The following OCLN variants were observed in gnomAD, a reference collection of about 807,000 sequenced individuals.
The protein encoded by OCLN is phosphatase 1, regulatory subunit 115.
A neutral mutation model predicts 47.9 loss-of-function variants in OCLN; 21 were observed. The ratio of observed to expected loss-of-function variants is 0.44; its 90% confidence interval spans 0.31 to 0.63. The LOEUF (loss-of-function observed/expected upper bound fraction) is 0.63, where lower values mean the gene tolerates loss of function less well. Among genes scored for constraint, OCLN ranks in the 30% least tolerant of loss-of-function variants. The pLI is 0.08. For missense variants in OCLN, 360 were observed against 571.0 expected, an observed-to-expected ratio of 0.63 and a Z score of 3.77; for synonymous variants, 117 against 198.4, an observed-to-expected ratio of 0.59 and a Z score of 3.45.
intron 1 of OCLN, among the ~76,000 whole-genome samples, chr5:69,496,314 G>A (rs1015853522): frequency 2.0e-5 from 3 of 151,926 alleles, no homozygotes; most frequent in Non-Finnish European, 4.4e-5. Flanking sequence ...TAGCGGGGAT[G>A]GTCTCGATCT....
At chr5:69,519,276 C>G (rs1769065095) in intron 4 of OCLN, among the ~76,000 whole-genome samples, 1 of 152,190 alleles carries the variant, frequency 6.6e-6, no homozygotes, top group African/African-American at 2.4e-5. Flanking sequence ...TTTTTAGCAT[C>G]TTCAGGATTA....
In OCLN at chr5:69,545,062, A is replaced by C; in HGVS notation, c.1196A>C (p.Glu399Ala). ...AAGAGAACAGAGCAAGATCACTATGAGACAGACTACACAACTGGCGGCGAG... is the reference window on the plus strand; with the variant it reads ...AAGAGAACAGAGCAAGATCACTATGCGACAGACTACACAACTGGCGGCGAG... ...RSKRTEQDHY[E>A]TDYTTGGESC... Residue 399 changes from glutamate to alanine, a missense_variant, in exon 6 of 9, where the codon GAG becomes GCG. Transcript: ENST00000396442. 1 of 1,613,868 alleles carries C rather than the reference A, an allele frequency of 6.2e-7. No individual in the cohort carries two copies. The highest frequency in any genetic ancestry group is 1.3e-5 in the African/African-American group (1 of 75,008).
chr5:69,533,302 G>T (rs941672483), intron 4 of OCLN, among the ~76,000 whole-genome samples: 4 of 152,086 alleles, frequency 2.6e-5, no homozygotes, highest in Admixed American at 2.6e-4. Context: ...GAGAACAGCT[G>T]CCTGGGACAT....
At chr5:69,528,324 A>G (rs1769338194) in intron 4 of OCLN, among the ~76,000 whole-genome samples, 1 of 152,156 alleles carries the variant, frequency 6.6e-6, no homozygotes, top group African/African-American at 2.4e-5. Context: ...TGCCTGAGGT[A>G]TATCTCCACT....
intron 5 of OCLN, among the ~76,000 whole-genome samples, chr5:69,539,140 CT>C (rs946231745): frequency 2.1e-4 from 6 of 28,936 alleles, no homozygotes; most frequent in African/African-American, 1.5e-3. Flanking sequence ...ATTTGCAGAA[CT>C]TTTTTTTTCT....
At chr5:69,499,731 C>T (rs1451563730) in intron 1 of OCLN, among the ~76,000 whole-genome samples, 4 of 152,028 alleles carry the variant, frequency 2.6e-5, no homozygotes, top group Admixed American at 2.0e-4. Context: ...GCTACAGGCG[C>T]GCGCCACCAA....
chr5:69,517,869 T>A (rs963901335), intron 4 of OCLN, among the ~76,000 whole-genome samples: 7 of 152,170 alleles, frequency 4.6e-5, no homozygotes, highest in Non-Finnish European at 7.3e-5. Flanking sequence ...CAAGGCCACT[T>A]GTAGCTGGAA....
At chr5:69,503,212 C>T (rs1170909816) in intron 1 of OCLN, among the ~76,000 whole-genome samples, 1 of 152,144 alleles carries the variant, frequency 6.6e-6, no homozygotes, top group African/African-American at 2.4e-5. Context: ...TTTGCTGCTG[C>T]TGACTGTAGG....
intron 3 of OCLN, among the ~76,000 whole-genome samples, chr5:69,512,036 A>AAG (rs3066092): frequency 0.87 from 127,753 of 147,666 alleles, 55,445 homozygotes; most frequent in African/African-American, 0.9. Flanking sequence ...AAAAAAAAAA[A>AAG]AAAAAAAAAT....
chr5:69,527,087 G>T (rs778119098), intron 4 of OCLN, among the ~76,000 whole-genome samples: 1 of 152,150 alleles, frequency 6.6e-6, no homozygotes, highest in Non-Finnish European at 1.5e-5. Flanking sequence ...AGACAAGCTG[G>T]CCAACATGGT....
At chr5:69,523,943 G>A (rs1769211270) in intron 4 of OCLN, among the ~76,000 whole-genome samples, 1 of 151,810 alleles carries the variant, frequency 6.6e-6, no homozygotes, top group South Asian at 2.1e-4. Flanking sequence ...GAGGTCAGGA[G>A]TTTGAGACCA....
chr5:69,518,926 C>G (rs528061735), intron 4 of OCLN, among the ~76,000 whole-genome samples: 24 of 152,082 alleles, frequency 1.6e-4, no homozygotes, highest in Non-Finnish European at 2.5e-4. Context: ...CACTTGAGCC[C>G]AGGAGTTTAA....
rs1184068603 is a variant in OCLN at position 69,553,866 on chromosome 5, A to G, written c.*195A>G. The G allele has an allele frequency of 1.3e-5, 8 of 594,552 alleles. No homozygotes were observed. The highest frequency in any genetic ancestry group is 6.1e-5 in the Admixed American group (2 of 32,930). The allele number at this position is 594,552 out of a possible 1,614,324, so 36.8% of individuals were successfully genotyped here. ...ATAATCAACTGGGCTGAACACTCCAATTAAGGATTTTATGCTTTAAACATT... is the reference window on the plus strand; with the variant it reads ...ATAATCAACTGGGCTGAACACTCCAGTTAAGGATTTTATGCTTTAAACATT... On this transcript the variant is annotated 3_prime_UTR_variant, in exon 9 of 9. Coordinates refer to ENST00000396442, the MANE Select transcript of OCLN (RefSeq NM_001205254.2).
chr5:69,514,281 T>A (rs1291540153), intron 4 of OCLN, among the ~76,000 whole-genome samples, 172 bp downstream of exon 4: 2 of 152,208 alleles, frequency 1.3e-5, no homozygotes, highest in African/African-American at 4.8e-5. Flanking sequence ...GGAAATGGTT[T>A]TACTAAAAGG....
At chr5:69,503,903 A>G (rs1347276616) in intron 1 of OCLN, among the ~76,000 whole-genome samples, 1 of 152,218 alleles carries the variant, frequency 6.6e-6, no homozygotes, top group African/African-American at 2.4e-5. Context: ...TTTCAAAAGT[A>G]ATATGAAATT....
chr5:69,510,909 C>G (rs1165576624), intron 3 of OCLN, among the ~76,000 whole-genome samples: 1 of 152,168 alleles, frequency 6.6e-6, no homozygotes, highest in Non-Finnish European at 1.5e-5. Context: ...CTCACCAACA[C>G]TTGTTATTGT....
intron 4 of OCLN, among the ~76,000 whole-genome samples, chr5:69,515,540 C>A (rs1768922907): frequency 7.6e-5 from 1 of 13,218 alleles, no homozygotes; most frequent in Non-Finnish European, 1.7e-4. Flanking sequence ...GGGGGCTGAC[C>A]CCCCCCCACC....
At chr5:69,497,294 G>A (rs2111928622) in intron 1 of OCLN, among the ~76,000 whole-genome samples, 1 of 152,002 alleles carries the variant, frequency 6.6e-6, no homozygotes, top group East Asian at 1.9e-4. Flanking sequence ...TATATTTCAG[G>A]GCTGCTAAAG....
At chr5:69,517,043 A>G (rs1297110874) in intron 4 of OCLN, among the ~76,000 whole-genome samples, 1 of 152,226 alleles carries the variant, frequency 6.6e-6, no homozygotes, top group African/African-American at 2.4e-5. Flanking sequence ...CCTGGATGGC[A>G]GAGTGAGACC....
Sources: gnomAD v4.1 joint callset for allele counts (sites outside exome capture counted in the v4.1 genomes callset) on GRCh38, gnomAD v4.1.1 for gene constraint, MANE v1.5 for transcripts, NCBI Gene and HGNC (gene_info 2026-07-23, HGNC 2026-07-21) for gene names.